The following NPAS2 variants were observed in gnomAD, a reference collection of about 807,000 sequenced individuals.
The protein encoded by NPAS2 is neuronal PAS domain-containing protein 2.
In NPAS2, 23 loss-of-function variants were observed where a neutral mutation model predicts 107.5. That is an observed-to-expected ratio of 0.21 (90% CI 0.15 to 0.30). The LOEUF is 0.30. NPAS2 is among the 10% of genes least tolerant of loss of function. NPAS2 has a pLI of 1.00. For missense variants in NPAS2, 756 were observed against 1,043.3 expected, an observed-to-expected ratio of 0.72 and a Z score of 3.79; for synonymous variants, 403 against 417.5, an observed-to-expected ratio of 0.97 and a Z score of 0.42.
At chr2:100,838,130 A>T (rs1394212310) in intron 1 of NPAS2, among the ~76,000 whole-genome samples, 2 of 151,104 alleles carry the variant, frequency 1.3e-5, no homozygotes, top group Non-Finnish European at 2.9e-5. Flanking sequence ...GACATCAGAA[A>T]ACGACTATCT....
chr2:100,825,310 A>G lies in NPAS2; in HGVS notation c.-23+4896A>G, dbSNP rs551917556. ...GAAAATTATTGGTTTTTTGTTTATA[A>G]AAGTACATAGTTTTTGGAAAAGATA... is the stretch of plus-strand genomic sequence containing the variant. On this transcript the variant is annotated intron_variant, in intron 1 of 20. Coordinates refer to ENST00000335681, the MANE Select transcript of NPAS2 (RefSeq NM_002518.4). Among the ~76,000 whole-genome samples, 5 of 152,330 alleles carry G rather than the reference A, an allele frequency of 3.3e-5. No homozygotes were observed. The South Asian group carries it at 8.3e-4, about 25-fold the overall frequency.
chr2:100,820,617 G>T lies in NPAS2; in HGVS notation c.-23+203G>T, dbSNP rs1285907575. The stretch of plus-strand genomic sequence containing the variant: ...CCCCTCCACAGTCAGGCCGCTGGGG[G>T]CTTCGCGTCCTGCAGGAGGTAGCAA... On this transcript the variant is annotated intron_variant, in intron 1 of 20. Coordinates refer to ENST00000335681, the MANE Select transcript of NPAS2 (RefSeq NM_002518.4). The surrounding 1 kb of genome is among the most constrained non-coding windows in gnomAD (Gnocchi z 5.6). Among the ~76,000 whole-genome samples the T allele has an allele frequency of 6.6e-6, 1 of 152,074 alleles. No individual in the cohort carries two copies. The highest frequency in any genetic ancestry group is 2.0e-4 in the East Asian group (1 of 5,122).
chr2:100,827,433 T>G (rs1428652512), intron 1 of NPAS2, among the ~76,000 whole-genome samples: 1 of 152,186 alleles, frequency 6.6e-6, no homozygotes, highest in Admixed American at 6.5e-5. Flanking sequence ...GCAGGTTTGT[T>G]ACCTGGGTAT....
chr2:100,968,210 A>C lies in NPAS2; in HGVS notation c.908-71A>C. On this transcript the variant is annotated intron_variant, in intron 10 of 20. Coordinates refer to ENST00000335681, the MANE Select transcript of NPAS2 (RefSeq NM_002518.4). This position sits in a 1 kb window ranked among gnomAD's most constrained non-coding sequence, Gnocchi z 5.3. ...TTTTTTTTTGAAAGCTTATCTTTAC[A>C]ATAACTCTTGGGGAAAAGATCATTT... The C allele has an allele frequency of 6.6e-7, 1 of 1,509,052 alleles. No homozygotes were observed. Among genetic ancestry groups the C allele is most frequent in the Non-Finnish European group, 9.1e-7 (1 of 1,094,584 alleles). 93.5% of individuals were successfully genotyped at this position (1,509,052 alleles called of 1,614,324 possible).
At chr2:100,874,042 G>A (rs989478397) in intron 1 of NPAS2, among the ~76,000 whole-genome samples, 11 of 132,700 alleles carry the variant, frequency 8.3e-5, no homozygotes, top group African/African-American at 2.0e-4. Flanking sequence ...GTGCAGTGGC[G>A]TGATCTCGGC....
chr2:100,850,844 T>C (rs1000152629), intron 1 of NPAS2, among the ~76,000 whole-genome samples: 4 of 147,198 alleles, frequency 2.7e-5, no homozygotes, highest in Non-Finnish European at 5.9e-5. Flanking sequence ...TCCCAGCTAC[T>C]CAGGAGGCTG....
intron 17 of NPAS2, 90 bp from the exon 18 acceptor site, chr2:100,990,166 G>T: frequency 8.8e-7 from 1 of 1,140,266 alleles, no homozygotes; most frequent in Non-Finnish European, 1.3e-6. Flanking sequence ...GGCAAGGGTA[G>T]GTAGAAGGAG....
chr2:100,975,344 C>A, intron 13 of NPAS2, 114 bp from the exon 14 acceptor site: 1 of 915,050 alleles, frequency 1.1e-6, no homozygotes, highest in Non-Finnish European at 1.7e-6. Flanking sequence ...CTTCCTTTAT[C>A]AGAGATCCCA....
At chr2:100,909,701 A>G (rs943291716) in intron 2 of NPAS2, among the ~76,000 whole-genome samples, 1 of 151,872 alleles carries the variant, frequency 6.6e-6, no homozygotes, top group African/African-American at 2.4e-5. Flanking sequence ...ACGGGGGGAA[A>G]AAATGGCAGT....
In NPAS2 at chr2:100,820,785, C is replaced by G. The variant is rs1025457986; in HGVS notation, c.-23+371C>G. ...CAGGGCAACAGCTTTGGGGATTGCC[C>G]GTGGTTGTCTTCGAGACCCATCGCG... On this transcript the variant is annotated intron_variant, in intron 1 of 20. Transcript: ENST00000335681. The surrounding 1 kb of genome is among the most constrained non-coding windows in gnomAD (Gnocchi z 5.6). Among the ~76,000 whole-genome samples, 1 of 152,146 alleles carries G rather than the reference C, an allele frequency of 6.6e-6. No homozygotes were observed.
At chr2:100,865,419 G>T (rs1392907636) in intron 1 of NPAS2, among the ~76,000 whole-genome samples, 1 of 152,080 alleles carries the variant, frequency 6.6e-6, no homozygotes, top group African/African-American at 2.4e-5. Flanking sequence ...CCACTTACCT[G>T]CTATGTGTTC....
chr2:100,834,187 CAG>C lies in NPAS2; in HGVS notation c.-23+13774_-23+13775del, dbSNP rs141757174. 9.4e-3 allele frequency among the ~76,000 whole-genome samples: 1,427 copies of C among 152,180 alleles called. 30 individuals carry two copies. The highest frequency in any genetic ancestry group is 0.033 in the African/African-American group (1,360 of 41,510). ...GAAGAGGCTTCCTCACCTGGAGAAT[CAG>C]GGGTTTCTCAGGCCCTGCTTCCAGA... On this transcript the variant is annotated intron_variant, in intron 1 of 20. Transcript: ENST00000335681.
At chr2:100,842,081 G>GCACACA (rs59267718) in intron 1 of NPAS2, among the ~76,000 whole-genome samples, 7 of 148,798 alleles carry the variant, frequency 4.7e-5, no homozygotes, top group South Asian at 4.2e-4. Flanking sequence ...GCATGTACGC[G>GCACACA]CACACACACA....
chr2:100,969,276 A>G (rs1676408694), intron 11 of NPAS2, among the ~76,000 whole-genome samples: 1 of 151,526 alleles, frequency 6.6e-6, no homozygotes, highest in Non-Finnish European at 1.5e-5. Flanking sequence ...GGTGCCATGC[A>G]CCTATCAACC....
intron 1 of NPAS2, among the ~76,000 whole-genome samples, chr2:100,842,002 G>A (rs978122998): frequency 6.6e-6 from 1 of 151,844 alleles, no homozygotes; most frequent in Admixed American, 6.6e-5. Context: ...CATTCACACA[G>A]TACACATATA....
At chr2:100,954,434 G>A (rs1675430738) in intron 7 of NPAS2, among the ~76,000 whole-genome samples, 2 of 152,154 alleles carry the variant, frequency 1.3e-5, no homozygotes, top group African/African-American at 2.4e-5. Context: ...GGAGGCAGAG[G>A]CGGGCAGATT....
chr2:100,950,976 G>C (rs965514331), intron 7 of NPAS2, among the ~76,000 whole-genome samples: 1 of 152,226 alleles, frequency 6.6e-6, no homozygotes, highest in Non-Finnish European at 1.5e-5. Flanking sequence ...GCACCTTGTA[G>C]AGAACCCAGC....
chr2:100,888,176 C>T (rs1028064978), intron 1 of NPAS2, among the ~76,000 whole-genome samples: 8 of 152,198 alleles, frequency 5.3e-5, no homozygotes, highest in Admixed American at 5.2e-4. Context: ...CAATGCCAGG[C>T]TTCTTTCCAA....
At chr2:100,853,990 A>C (rs937079422) in intron 1 of NPAS2, among the ~76,000 whole-genome samples, 15 of 150,792 alleles carry the variant, frequency 9.9e-5, no homozygotes, top group African/African-American at 2.2e-4. Context: ...AAAAAAAAAA[A>C]ACACAAAAAA....
Sources: gnomAD v4.1 joint callset for allele counts (sites outside exome capture counted in the v4.1 genomes callset) on GRCh38, gnomAD v4.1.1 for gene constraint, Gnocchi (gnomAD v3.1) non-coding constraint, MANE v1.5 for transcripts, NCBI Gene and HGNC (gene_info 2026-07-23, HGNC 2026-07-21) for gene names.